COPS4: variants seen among roughly 807,000 people sequenced by gnomAD.
The protein encoded by COPS4 is COP9 signalosome subunit 4.
A neutral mutation model predicts 55.1 loss-of-function variants in COPS4; 8 were observed. That is an observed-to-expected ratio of 0.15 (90% CI 0.09 to 0.26). The LOEUF is 0.26. Among genes scored for constraint, COPS4 ranks in the 10% least tolerant of loss-of-function variants. COPS4 has a pLI of 1.00. For synonymous variants in COPS4, 185 were observed against 165.7 expected, an observed-to-expected ratio of 1.12 and a Z score of -0.90; for missense variants, 248 against 484.0, an observed-to-expected ratio of 0.51 and a Z score of 4.58.
chr4:83,068,575 T>G, intron 9 of COPS4, 53 bp downstream of exon 9: 1 of 1,129,294 alleles, frequency 8.9e-7, no homozygotes, highest in Non-Finnish European at 1.3e-6. Flanking sequence ...AACTGTTATA[T>G]TTGTGATTAA....
intron 9 of COPS4, among the ~76,000 whole-genome samples, chr4:83,069,023 T>C (rs1385073579): frequency 2.6e-5 from 4 of 152,106 alleles, no homozygotes; most frequent in African/African-American, 7.2e-5. Context: ...GGATTTTCTA[T>C]GTTAAGGAAA....
At chr4:83,050,129 G>A (rs752984361) in intron 4 of COPS4, 145 bp downstream of exon 4, 21 of 533,274 alleles carry the variant, frequency 3.9e-5, no homozygotes, top group Non-Finnish European at 6.2e-5. Flanking sequence ...TAAGTGCTGT[G>A]GAGAAAAGTA....
intron 1 of COPS4, among the ~76,000 whole-genome samples, chr4:83,040,794 C>T (rs1730545761): frequency 7.8e-6 from 1 of 129,006 alleles, no homozygotes; most frequent in Non-Finnish European, 1.6e-5. Flanking sequence ...AGGGTTGGTC[C>T]AGTCGTTTAG....
intron 1 of COPS4, among the ~76,000 whole-genome samples, chr4:83,038,714 T>C (rs1474441282): frequency 6.6e-6 from 1 of 152,206 alleles, no homozygotes; most frequent in African/African-American, 2.4e-5. Flanking sequence ...CGATCTCGGC[T>C]CACTGCAACC....
At chr4:83,073,413 C>T (rs1731488101) in intron 9 of COPS4, 1 of 425,108 alleles carries the variant, frequency 2.4e-6, no homozygotes, top group East Asian at 3.5e-5. Flanking sequence ...GTATATACCT[C>T]AATTCCACCA....
chr4:83,059,315 C>T (rs1374074960), intron 6 of COPS4, among the ~76,000 whole-genome samples: 2 of 152,062 alleles, frequency 1.3e-5, no homozygotes, highest in African/African-American at 4.8e-5. Context: ...CTTGCTTAGA[C>T]AAGTCTTCCC....
chr4:83,068,177 GA>G (rs975710741), intron 8 of COPS4, among the ~76,000 whole-genome samples: 2 of 152,160 alleles, frequency 1.3e-5, no homozygotes, highest in African/African-American at 2.4e-5. Context: ...GTTTGCTTTT[GA>G]GCAGAGGAGA....
chr4:83,059,984 A>G (rs1018846839), intron 6 of COPS4, among the ~76,000 whole-genome samples: 1 of 152,066 alleles, frequency 6.6e-6, no homozygotes, highest in Non-Finnish European at 1.5e-5. Context: ...TACAGGTGTG[A>G]GCCACCGCAC....
chr4:83,060,759 G>A (rs565142427), intron 6 of COPS4, among the ~76,000 whole-genome samples: 1 of 151,524 alleles, frequency 6.6e-6, no homozygotes, highest in South Asian at 2.1e-4. Context: ...TTGAGGCCAG[G>A]CACGGTGGCT....
rs1320558692 is a variant in COPS4 at position 83,049,887 on chromosome 4, T to G, written c.313T>G (p.Ser105Ala). ...TGTATACCTATTATTCCAGGTTGCT[T>G]CCATAAGACAGCATCTTGCATCTAT... ...RVISFEEQVA[S>A]IRQHLASIYE... Residue 105 changes from serine to alanine, a missense_variant, in exon 4 of 10, where the codon TCC (serine) becomes GCC (alanine). Physicochemically the swap from Ser to Ala is moderately conservative, Grantham distance 99. This residue lies in a region of COPS4 where 155 missense variants were observed against 326.6 expected (regional missense o/e 0.47). Coordinates refer to ENST00000264389, the MANE Select transcript of COPS4 (RefSeq NM_016129.3). 1.9e-6 allele frequency: 3 copies of G among 1,591,176 alleles called. No homozygotes were observed. The African/African-American group carries it at 4.1e-5, about 22-fold the overall frequency.
At chr4:83,057,510 G>T (rs1267475185) in intron 6 of COPS4, 102 bp downstream of exon 6, 16 of 851,382 alleles carry the variant, frequency 1.9e-5, no homozygotes, top group Non-Finnish European at 2.7e-5. Flanking sequence ...TTCTTCAAAA[G>T]GATGTCTTCA....
chr4:83,056,069 C>T (rs1731005178), intron 4 of COPS4, among the ~76,000 whole-genome samples: 1 of 151,816 alleles, frequency 6.6e-6, no homozygotes, highest in African/African-American at 2.4e-5. Context: ...GCTGGGATTA[C>T]AAGTGTGGTG....
Position 83,049,904 on chromosome 4 carries a change from T to C in COPS4, c.330T>C (p.Leu110=), listed in dbSNP as rs776566721. Residue 110 remains leucine, a synonymous_variant, in exon 4 of 10, where the codon CTT becomes CTC. Transcript: ENST00000264389. ...AGGTTGCTTCCATAAGACAGCATCT[T>C]GCATCTATATATGAGAAAGAAGAAG... The part of the protein sequence containing the change: ...EEQVASIRQH[L]ASIYEKEEDW... The C allele has an allele frequency of 1.9e-6, 3 of 1,608,542 alleles. No homozygotes were observed. Among genetic ancestry groups the C allele is most frequent in the Non-Finnish European group, 2.5e-6 (3 of 1,177,904 alleles).
At chr4:83,045,077 T>C (rs1332543977) in intron 1 of COPS4, among the ~76,000 whole-genome samples, 1 of 152,212 alleles carries the variant, frequency 6.6e-6, no homozygotes, top group Non-Finnish European at 1.5e-5. Context: ...CGAAGTTTAT[T>C]TTGTACAGAC....
At chr4:83,047,549 C>G (rs1441718460) in intron 2 of COPS4, among the ~76,000 whole-genome samples, 1 of 151,024 alleles carries the variant, frequency 6.6e-6, no homozygotes, top group Non-Finnish European at 1.5e-5. Context: ...AAGATTGTCT[C>G]AAAAAAACAA....
At chr4:83,066,857 A>C (rs1560443573) in intron 8 of COPS4, among the ~76,000 whole-genome samples, 1 of 152,212 alleles carries the variant, frequency 6.6e-6, no homozygotes, top group Admixed American at 6.5e-5. Flanking sequence ...CCATTTTCTG[A>C]GAATGTCTTT....
In COPS4 at chr4:83,038,802, C is replaced by T. The variant is rs567661041; in HGVS notation, c.74+3504C>T. 1.2e-3 allele frequency among the ~76,000 whole-genome samples: 180 copies of T among 152,172 alleles called. 1 individual carries two copies. Among genetic ancestry groups the T allele is most frequent in the African/African-American group, 4.1e-3 (172 of 41,538 alleles). ...GACTACAGGTGCATGCCACCACACC[C>T]GACTACTTTTTTTTGTATTTTTAGT... On this transcript the variant is annotated intron_variant, in intron 1 of 9. Transcript: ENST00000264389.
At chr4:83,053,500 T>C (rs1730938871) in intron 4 of COPS4, among the ~76,000 whole-genome samples, 1 of 151,948 alleles carries the variant, frequency 6.6e-6, no homozygotes, top group Non-Finnish European at 1.5e-5. Flanking sequence ...GTTCAAGGAT[T>C]GTTGGGTTTG....
rs1407639785 is a variant in COPS4, at chr4:83,075,452, A to G, written c.*22A>G. The G allele has an allele frequency of 6.2e-7, 1 of 1,613,378 alleles. No homozygotes were observed. The highest frequency in any genetic ancestry group is 1.7e-5 in the Admixed American group (1 of 59,834). On this transcript the variant is annotated 3_prime_UTR_variant, in exon 10 of 10. Coordinates refer to ENST00000264389, the MANE Select transcript of COPS4 (RefSeq NM_016129.3). ...GTGAATCCTTGCAGAACTTCTGTGCACATGACATCTTTTTCCATGTTGTGC... is the reference window on the plus strand; with the variant it reads ...GTGAATCCTTGCAGAACTTCTGTGCGCATGACATCTTTTTCCATGTTGTGC...
Sources: gnomAD v4.1 joint callset for allele counts (sites outside exome capture counted in the v4.1 genomes callset) on GRCh38, gnomAD v4.1.1 for gene constraint, gnomAD v4.1.1 regional missense constraint, MANE v1.5 for transcripts, NCBI Gene and HGNC (gene_info 2026-07-23, HGNC 2026-07-21) for gene names.